Variants in ADGRL2 observed in about 807,000 individuals in gnomAD.
ADGRL2 encodes adhesion G protein-coupled receptor L2.
Under a neutral mutation model 157.4 loss-of-function variants are expected in ADGRL2, and 44 were observed. The observed-to-expected ratio is 0.28, with a 90% CI of 0.22 to 0.36. The LOEUF (loss-of-function observed/expected upper bound fraction) is 0.36. ADGRL2 is among the 10% of genes least tolerant of loss of function. ADGRL2 has a pLI of 1.00. For synonymous variants in ADGRL2, 585 were observed against 624.7 expected, an observed-to-expected ratio of 0.94 and a Z score of 0.95; for missense variants, 1,510 against 1,768.9, an observed-to-expected ratio of 0.85 and a Z score of 2.63.
At chr1:81,489,988 A>T (rs1256477032) in intron 2 of ADGRL2, among the ~76,000 whole-genome samples, 1 of 149,552 alleles carries the variant, frequency 6.7e-6, no homozygotes, top group Non-Finnish European at 1.5e-5. Flanking sequence ...GAAATGAGAG[A>T]CTATATAGTA....
chr1:81,775,581 G>GT (rs147909990), intron 2 of ADGRL2, among the ~76,000 whole-genome samples: 53 of 149,292 alleles, frequency 3.6e-4, no homozygotes, highest in African/African-American at 1.0e-3. Context: ...AGAGGTCCTG[G>GT]TTTAAAAAAA....
At chr1:81,557,613 A>G (rs983015796) in intron 2 of ADGRL2, 4 of 152,288 alleles carry the variant, frequency 2.6e-5, no homozygotes, top group African/African-American at 9.7e-5. Flanking sequence ...ACTGAGCAAT[A>G]ACAGTTTGAA....
At chr1:81,425,480 A>G (rs145905351) in intron 1 of ADGRL2, among the ~76,000 whole-genome samples, 2 of 152,312 alleles carry the variant, frequency 1.3e-5, no homozygotes, top group East Asian at 3.9e-4. Context: ...AGGGGAAAAA[A>G]TATGTACCAA....
chr1:81,962,690 A>G (rs998708300), intron 11 of ADGRL2, among the ~76,000 whole-genome samples: 9 of 150,650 alleles, frequency 6.0e-5, no homozygotes, highest in African/African-American at 2.2e-4. Context: ...TTATGATATC[A>G]TATGAGAGAG....
intron 1 of ADGRL2, among the ~76,000 whole-genome samples, chr1:81,809,934 G>A (rs934967059): frequency 4.0e-5 from 6 of 151,736 alleles, no homozygotes; most frequent in Admixed American, 4.0e-4. Flanking sequence ...TCCACACTTT[G>A]CCTCCTTTTA....
intron 1 of ADGRL2, among the ~76,000 whole-genome samples, chr1:81,725,474 G>A (rs1304181729): frequency 6.6e-6 from 1 of 152,134 alleles, no homozygotes; most frequent in African/African-American, 2.4e-5. Flanking sequence ...GGGAGGTGAA[G>A]GTTGCAGTGA....
At chr1:81,521,808 T>C (rs767744766) in intron 2 of ADGRL2, among the ~76,000 whole-genome samples, 4 of 152,168 alleles carry the variant, frequency 2.6e-5, no homozygotes, top group Non-Finnish European at 4.4e-5. Context: ...ATTCTTCTTT[T>C]CTTTTGGTTG....
intron 2 of ADGRL2, among the ~76,000 whole-genome samples, chr1:81,889,487 G>A (rs1357830528): frequency 6.6e-6 from 1 of 152,198 alleles, no homozygotes; most frequent in East Asian, 1.9e-4. Context: ...GCTGAGAGGT[G>A]AGGAAGATGT....
In ADGRL2 at chr1:81,991,189, A is replaced by G. The variant is rs1174671807; in HGVS notation, c.*44A>G. The G allele has an allele frequency of 6.5e-7, 1 of 1,531,602 alleles. No individual in the cohort carries two copies. Among genetic ancestry groups the G allele is most frequent in the South Asian group, 1.2e-5 (1 of 80,938 alleles). The allele number at this position is 1,531,602 out of a possible 1,614,324, so 94.9% of individuals were successfully genotyped here. ...CCAAGGGCCACATGCGAGTATTAAT[A>G]AATAAAGACACCATTGGCCTGACGC... is the stretch of plus-strand genomic sequence containing the variant. On this transcript the variant is annotated 3_prime_UTR_variant, in exon 24 of 24. Transcript: ENST00000686636.
At chr1:81,788,829 C>T (rs2087185793) in intron 2 of ADGRL2, among the ~76,000 whole-genome samples, 1 of 152,104 alleles carries the variant, frequency 6.6e-6, no homozygotes, top group Non-Finnish European at 1.5e-5. Context: ...GATTCTCCTG[C>T]TTCAGCCTCC....
intron 1 of ADGRL2, among the ~76,000 whole-genome samples, chr1:81,708,490 C>T (rs907233330): frequency 2.6e-5 from 4 of 152,068 alleles, no homozygotes; most frequent in South Asian, 2.1e-4. Context: ...TTTTCCTACA[C>T]GCATCTGCAG....
At chr1:81,528,647 A>C (rs1167851362) in intron 2 of ADGRL2, among the ~76,000 whole-genome samples, 1 of 18,054 alleles carries the variant, frequency 5.5e-5, no homozygotes, top group South Asian at 1.8e-3. Flanking sequence ...ACTCCATCTC[A>C]AAAAAAAAAA....
At chr1:81,336,809 G>GGTAAAA (rs1445135160) in intron 1 of ADGRL2, among the ~76,000 whole-genome samples, 2 of 152,108 alleles carry the variant, frequency 1.3e-5, no homozygotes, top group African/African-American at 4.8e-5. Flanking sequence ...CCCAAAGTGA[G>GGTAAAA]AACTTTACCT....
chr1:81,427,266 G>T, intron 1 of ADGRL2: 1 of 746,704 alleles, frequency 1.3e-6, no homozygotes. Context: ...AGTTATGAAG[G>T]AGGTGATGGT....
chr1:81,890,886 A>G (rs1190721280), intron 2 of ADGRL2, among the ~76,000 whole-genome samples: 1 of 152,132 alleles, frequency 6.6e-6, no homozygotes, highest in Non-Finnish European at 1.5e-5. Flanking sequence ...CAAAGGGGAC[A>G]GAATTTCTGT....
At position 81,476,043 on chromosome 1, in the gene ADGRL2, C is replaced by T. The variant is rs114164652; in HGVS notation, c.-248+30954C>T. On this transcript the variant is annotated intron_variant, in intron 2 of 24. Coordinates refer to the ADGRL2 transcript ENST00000370721. ...CATAGGTGTCAGGGAATCCCAGCTA[C>T]GTCAACATTGAGGAACCTACGTCTG... is the stretch of plus-strand genomic sequence containing the variant. 2.5e-3 allele frequency among the ~76,000 whole-genome samples: 376 copies of T among 152,128 alleles called. 1 individual carries two copies. Among genetic ancestry groups the T allele is most frequent in the African/African-American group, 8.8e-3 (367 of 41,496 alleles).
At chr1:81,405,265 T>C (rs951485322) in intron 1 of ADGRL2, among the ~76,000 whole-genome samples, 2 of 152,090 alleles carry the variant, frequency 1.3e-5, no homozygotes, top group African/African-American at 4.8e-5. Flanking sequence ...ACACAAAAAA[T>C]GGGAAGAATG....
intron 1 of ADGRL2, among the ~76,000 whole-genome samples, chr1:81,393,328 G>T (rs1455547251): frequency 7.3e-6 from 1 of 136,722 alleles, no homozygotes; most frequent in African/African-American, 2.8e-5. Flanking sequence ...AGAAGATTCA[G>T]ATAACACACA....
At position 81,322,135 on chromosome 1, in the gene ADGRL2, C is replaced by CA. The variant is rs553799606; in HGVS notation, c.-302+15626_-302+15627insA. Among the ~76,000 whole-genome samples, 293 of 104,518 alleles carry CA rather than the reference C, an allele frequency of 2.8e-3. 4 individuals are homozygous for CA. The highest frequency in any genetic ancestry group is 7.3e-3 in the Admixed American group (68 of 9,260). 68.6% of individuals were successfully genotyped at this position (104,518 alleles called of 152,430 possible). A position where few individuals can be genotyped will look rare whatever the true frequency, so the allele number is the denominator to read the frequency against. On this transcript the variant is annotated intron_variant, in intron 1 of 24. Coordinates refer to the ADGRL2 transcript ENST00000370721. ...ACACATATATATATACACACACACA[C>CA]GTACATATATATACATATACATACA...
Sources: allele counts gnomAD v4.1 joint callset (sites outside exome capture counted in the v4.1 genomes callset), GRCh38; gene constraint gnomAD v4.1.1; transcripts MANE v1.5; gene names NCBI Gene and HGNC (gene_info 2026-07-23, HGNC 2026-07-21).